Variants in NCKAP1 observed in about 807,000 individuals in gnomAD.
The protein encoded by NCKAP1 is NCK associated protein 1, also known as nck-associated protein 1.
A neutral mutation model predicts 151.2 loss-of-function variants in NCKAP1; 21 were observed. The observed-to-expected ratio is 0.14, with a 90% CI of 0.10 to 0.20. The LOEUF (loss-of-function observed/expected upper bound fraction) is 0.20, where lower values mean the gene tolerates loss of function less well. Ranked by LOEUF, NCKAP1 falls within the 10% of genes least tolerant of loss-of-function variation. The probability of loss-of-function intolerance (pLI) is 1.00; values close to 1 mark genes in which losing one functional copy is unlikely to be tolerated. For missense variants in NCKAP1, 933 were observed against 1,352.1 expected (o/e 0.69, Z 4.86); for synonymous variants, 484 against 451.8 (o/e 1.07, Z -0.90).
At position 182,932,927 on chromosome 2, in the gene NCKAP1, A is replaced by AGTGT. The variant is rs2105802263; in HGVS notation, c.2859+1824_2859+1825insACAC. ...AGACAATCACTGATCTCAAATGTTT[A>AGTGT]TTCTGCACAAAACACTGTAAGAGAA... On this transcript the variant is annotated intron_variant, in intron 26 of 30. Transcript: ENST00000361354. Among the ~76,000 whole-genome samples, 4 of 152,316 alleles carry AGTGT rather than the reference A, an allele frequency of 2.6e-5. No individual in the cohort carries two copies. The South Asian group carries it at 8.3e-4, about 32-fold the overall frequency.
chr2:182,986,661 CA>C (rs1265603552), intron 9 of NCKAP1, among the ~76,000 whole-genome samples: 2 of 151,900 alleles, frequency 1.3e-5, no homozygotes, highest in Non-Finnish European at 2.9e-5. Context: ...TATTAGTGAT[CA>C]AAAGTAATGA....
intron 10 of NCKAP1, among the ~76,000 whole-genome samples, chr2:182,984,953 T>C (rs988614072): frequency 3.9e-5 from 6 of 152,176 alleles, no homozygotes; most frequent in Non-Finnish European, 7.4e-5. Flanking sequence ...TTATAAAAGA[T>C]AGCTATGCCT....
rs780458396 is a variant in NCKAP1, at chr2:182,982,943, TAA to T, written c.1102-18_1102-17del. ...CAAAAAGTGCCTGTTTAAAAAAAAG[TAA>T]GTGTTTATTCTTATTCAAAGATTAA... On this transcript the variant is annotated splice_polypyrimidine_tract_variant and intron_variant, in intron 11 of 30. Transcript: ENST00000361354. 10 of 1,552,614 alleles carry T rather than the reference TAA, an allele frequency of 6.4e-6. No individual in the cohort carries two copies. The highest frequency in any genetic ancestry group is 8.8e-6 in the Non-Finnish European group (10 of 1,141,466).
chr2:182,937,868 G>C (rs1696912973), intron 24 of NCKAP1, among the ~76,000 whole-genome samples: 1 of 152,056 alleles, frequency 6.6e-6, no homozygotes, highest in African/African-American at 2.4e-5. Context: ...AGTCAATAAA[G>C]AAAACATCAG....
intron 2 of NCKAP1, among the ~76,000 whole-genome samples, chr2:183,021,393 A>G (rs1369932239): frequency 6.6e-6 from 1 of 152,176 alleles, no homozygotes; most frequent in African/African-American, 2.4e-5. Context: ...CAAGCCCAGG[A>G]GTTTGAGACC....
chr2:182,936,441 G>T (rs898166944), intron 24 of NCKAP1, among the ~76,000 whole-genome samples: 5 of 152,116 alleles, frequency 3.3e-5, no homozygotes, highest in Admixed American at 1.3e-4. Flanking sequence ...AGTCTAAATG[G>T]GCTGTCATGA....
At chr2:183,005,748 T>TCA (rs1698459296) in intron 2 of NCKAP1, among the ~76,000 whole-genome samples, 1 of 152,138 alleles carries the variant, frequency 6.6e-6, no homozygotes, top group Non-Finnish European at 1.5e-5. Context: ...CTACATGTAT[T>TCA]CACACACTAC....
rs1398993938 is a variant in NCKAP1 at position 182,926,869 on chromosome 2, T to A, written c.3217A>T (p.Thr1073Ser). The change falls in exon 30 of 31, where the codon ACA becomes TCA. Residue 1073 changes from threonine to serine, a missense_variant. Coordinates refer to ENST00000361354, the MANE Select transcript of NCKAP1 (RefSeq NM_013436.5). ...SSSLLKIGQETDKTTTRNRES... is the reference protein window; with the variant it reads ...SSSLLKIGQESDKTTTRNRES... ...CTATTTCTTGTTGTAGTTTTATCTG[T>A]CTCCTGGCCAATTTTCAGTAGACTG... 6.2e-7 allele frequency: 1 copy of A among 1,606,772 alleles called. No individual in the cohort carries two copies. The highest frequency in any genetic ancestry group is 2.2e-5 in the East Asian group (1 of 44,610).
intron 27 of NCKAP1, among the ~76,000 whole-genome samples, chr2:182,929,836 T>C (rs190707017): frequency 2.6e-5 from 4 of 151,450 alleles, no homozygotes; most frequent in East Asian, 1.9e-4. Flanking sequence ...ATTTTAGTAG[T>C]AGAAAGAGAT....
rs1373867177 is a variant in NCKAP1 at position 182,968,957 on chromosome 2, AAAG to A, written c.1483-1599_1483-1597del. 3.3e-5 allele frequency among the ~76,000 whole-genome samples: 5 copies of A among 152,240 alleles called. No homozygotes were observed. The East Asian group carries it at 7.7e-4, about 23-fold the overall frequency. ...TATTTTGTTGTTTTTGTCTACCAGA[AAAG>A]AAGAAGGAATGAGGTAGAATGATGT... On this transcript the variant is annotated intron_variant, in intron 15 of 30. Coordinates refer to ENST00000361354, the MANE Select transcript of NCKAP1 (RefSeq NM_013436.5).
intron 10 of NCKAP1, among the ~76,000 whole-genome samples, chr2:182,985,516 A>G (rs1698036425): frequency 1.3e-5 from 2 of 150,352 alleles, no homozygotes; most frequent in African/African-American, 5.0e-5. Context: ...TTAAAAGTAA[A>G]TATTTGCCGG....
At position 182,911,976 on chromosome 2, in the gene NCKAP1, G is replaced by T. The variant is rs915840144; in HGVS notation, c.*13726C>A. The T allele has an allele frequency of 6.6e-6, 1 of 152,136 alleles. No homozygotes were observed. The highest frequency in any genetic ancestry group is 1.5e-5 in the Non-Finnish European group (1 of 68,030). The allele number at this position is 152,136 out of a possible 1,614,324, so 9.4% of individuals were successfully genotyped here. On this transcript the variant is annotated 3_prime_UTR_variant, in exon 31 of 31. Transcript: ENST00000361354. Reference sequence around the variant, plus strand: ...CACTTCATGTCTTTGAATTATTTTAGTTGGAGTAGGAAATGCAAACAAATC... The same window carrying T: ...CACTTCATGTCTTTGAATTATTTTATTTGGAGTAGGAAATGCAAACAAATC...
At chr2:182,937,833 T>C (rs1696911587) in intron 24 of NCKAP1, among the ~76,000 whole-genome samples, 1 of 152,280 alleles carries the variant, frequency 6.6e-6, no homozygotes, top group African/African-American at 2.4e-5. Flanking sequence ...AGTCAATGGA[T>C]AGATGGTGAG....
chr2:183,019,178 A>T (rs1698749548), intron 2 of NCKAP1, among the ~76,000 whole-genome samples: 2 of 152,178 alleles, frequency 1.3e-5, no homozygotes, highest in African/African-American at 2.4e-5. Context: ...TTCAGCATAC[A>T]TAGGATAGTA....
chr2:183,031,582 G>A lies in NCKAP1; in HGVS notation c.108+6410C>T, dbSNP rs199768288. Among the ~76,000 whole-genome samples, 30 of 151,778 alleles carry A rather than the reference G, an allele frequency of 2.0e-4. 1 individual carries two copies. In the East Asian group the frequency reaches 5.6e-3, roughly 28 times the overall value. On this transcript the variant is annotated intron_variant, in intron 1 of 30. Coordinates refer to ENST00000361354, the MANE Select transcript of NCKAP1 (RefSeq NM_013436.5). ...GCTTAATTTAATCTGGGGGTGGGGG[G>A]GAATGAACATTTATTAAGTGTCCAC...
At chr2:183,017,336 A>G (rs887777831) in intron 2 of NCKAP1, among the ~76,000 whole-genome samples, 40 of 152,198 alleles carry the variant, frequency 2.6e-4, no homozygotes, top group African/African-American at 9.4e-4. Flanking sequence ...ATGTAGAAGC[A>G]GTGGAAGCCC....
rs547468402 is a variant in NCKAP1 at position 183,025,199 on chromosome 2, T to C, written c.109-1283A>G. Among the ~76,000 whole-genome samples the C allele has an allele frequency of 3.3e-5, 5 of 152,318 alleles. No homozygotes were observed. The South Asian group carries it at 8.3e-4, about 25-fold the overall frequency. ...AAATTTATAGAGTTTATACTGTTCA[T>C]ATAAACACTACTGTGTACGTGTACA... On this transcript the variant is annotated intron_variant, in intron 1 of 30. Transcript: ENST00000361354.
At chr2:183,002,305 AT>A in intron 4 of NCKAP1, 36 bp from the exon 5 acceptor site, 2 of 1,358,308 alleles carry the variant, frequency 1.5e-6, no homozygotes, top group East Asian at 4.7e-5. Flanking sequence ...ACTACTTCCT[AT>A]TTCTTAAAAT....
intron 9 of NCKAP1, among the ~76,000 whole-genome samples, chr2:182,986,810 AC>A (rs1249882436): frequency 8.5e-5 from 13 of 152,226 alleles, no homozygotes; most frequent in African/African-American, 2.7e-4. Context: ...AAATAAAAAA[AC>A]ATTTAATTAA....
Sources: allele counts gnomAD v4.1 joint callset (sites outside exome capture counted in the v4.1 genomes callset), GRCh38; gene constraint gnomAD v4.1.1; transcripts MANE v1.5; gene names NCBI Gene and HGNC (gene_info 2026-07-23, HGNC 2026-07-21).